CNTN5: variants seen among roughly 807,000 people sequenced by gnomAD.
The protein encoded by CNTN5 is contactin-5.
CNTN5 carries 77 observed loss-of-function variants against 129.1 expected under a neutral mutation model. The observed-to-expected ratio is 0.60, with a 90% CI of 0.50 to 0.72. The LOEUF is 0.72. CNTN5 is among the 30% of genes least tolerant of loss of function. The pLI, the probability that CNTN5 is intolerant of heterozygous loss-of-function variation, is 0.00. For missense variants in CNTN5, 1,478 were observed against 1,328.8 expected, an observed-to-expected ratio of 1.11 and a Z score of -1.75; for synonymous variants, 509 against 465.6, an observed-to-expected ratio of 1.09 and a Z score of -1.20.
At chr11:99,295,882 C>CA (rs34180493) in intron 1 of CNTN5, among the ~76,000 whole-genome samples, 8,747 of 49,410 alleles carry the variant, frequency 0.18, 760 homozygotes, top group Non-Finnish European at 0.21. Context: ...GACTCCGTCT[C>CA]AAAAAAAAAA....
At chr11:99,615,368 G>A (rs528441475) in intron 3 of CNTN5, among the ~76,000 whole-genome samples, 33 of 152,102 alleles carry the variant, frequency 2.2e-4, no homozygotes, top group African/African-American at 7.5e-4. Flanking sequence ...CACAAGATTA[G>A]AATTTAACTT....
At chr11:99,856,686 T>C (rs908345280) in intron 6 of CNTN5, among the ~76,000 whole-genome samples, 1 of 152,060 alleles carries the variant, frequency 6.6e-6, no homozygotes, top group African/African-American at 2.4e-5. Context: ...CAATGAAAAA[T>C]ATTAGCTCTT....
chr11:99,528,488 A>T (rs1947573779), intron 2 of CNTN5, among the ~76,000 whole-genome samples: 1 of 152,218 alleles, frequency 6.6e-6, no homozygotes, highest in South Asian at 2.1e-4. Flanking sequence ...ACAACCTGAG[A>T]TTTTTGACAA....
intron 2 of CNTN5, among the ~76,000 whole-genome samples, chr11:99,397,185 T>TTGA (rs1941569563): frequency 6.6e-6 from 1 of 151,788 alleles, no homozygotes; most frequent in Admixed American, 6.6e-5. Context: ...TATCTCTGAG[T>TTGA]TGATATTTGT....
intron 3 of CNTN5, among the ~76,000 whole-genome samples, chr11:99,782,372 G>T (rs1454213925): frequency 6.7e-6 from 1 of 149,626 alleles, no homozygotes; most frequent in Non-Finnish European, 1.5e-5. Context: ...TGGGTAGGAA[G>T]AATCAATATC....
chr11:99,247,043 A>G (rs546408903), intron 1 of CNTN5, among the ~76,000 whole-genome samples: 44 of 152,304 alleles, frequency 2.9e-4, no homozygotes, highest in Admixed American at 5.2e-4. Context: ...CAGAAAGTCA[A>G]AATGACATAA....
intron 13 of CNTN5, among the ~76,000 whole-genome samples, chr11:100,090,537 T>TC (rs1944736911): frequency 2.6e-5 from 1 of 37,800 alleles, no homozygotes; most frequent in South Asian, 1.4e-3. Flanking sequence ...CTTCCTTCCT[T>TC]CCTTCCTTCC....
At chr11:99,538,202 T>A (rs1591242744) in intron 2 of CNTN5, among the ~76,000 whole-genome samples, 1 of 152,292 alleles carries the variant, frequency 6.6e-6, no homozygotes, top group East Asian at 1.9e-4. Flanking sequence ...CTCTTCCCTT[T>A]GGGATCATGC....
At chr11:100,290,269 A>G (rs576970265) in intron 18 of CNTN5, among the ~76,000 whole-genome samples, 11 of 152,272 alleles carry the variant, frequency 7.2e-5, no homozygotes, top group Admixed American at 5.9e-4. Flanking sequence ...TCAAGTTCAT[A>G]TGGAACCAAA....
chr11:99,812,009 T>C (rs1206051394), intron 3 of CNTN5, among the ~76,000 whole-genome samples: 1 of 152,080 alleles, frequency 6.6e-6, no homozygotes, highest in African/African-American at 2.4e-5. Context: ...ATCCGTCCTG[T>C]ATGATGGGAG....
chr11:99,787,590 T>C (rs1945579930), intron 3 of CNTN5, among the ~76,000 whole-genome samples: 1 of 151,326 alleles, frequency 6.6e-6, no homozygotes, highest in African/African-American at 2.4e-5. Context: ...AATCAATAAG[T>C]TGTCATTGCC....
At chr11:99,720,446 A>T (rs1237181525) in intron 3 of CNTN5, among the ~76,000 whole-genome samples, 4 of 152,154 alleles carry the variant, frequency 2.6e-5, no homozygotes, top group African/African-American at 9.7e-5. Context: ...AATGCTTTTG[A>T]TAAAATTCAT....
intron 3 of CNTN5, among the ~76,000 whole-genome samples, chr11:99,751,540 C>T (rs1349129374): frequency 6.6e-6 from 1 of 152,088 alleles, no homozygotes; most frequent in Non-Finnish European, 1.5e-5. Context: ...AATTTACCCA[C>T]CTCTCTCTAT....
At chr11:100,284,114 T>G (rs971320364) in intron 18 of CNTN5, among the ~76,000 whole-genome samples, 1 of 152,208 alleles carries the variant, frequency 6.6e-6, no homozygotes, top group Non-Finnish European at 1.5e-5. Context: ...CTCTTCTGTG[T>G]TGTGGGGCCA....
chr11:99,302,879 A>G (rs545102764), intron 1 of CNTN5, among the ~76,000 whole-genome samples: 1 of 151,654 alleles, frequency 6.6e-6, no homozygotes, highest in East Asian at 1.9e-4. Flanking sequence ...ATGGAATGGA[A>G]CACTAGACTT....
chr11:99,741,718 T>C (rs1473021263), intron 3 of CNTN5, among the ~76,000 whole-genome samples: 1 of 152,172 alleles, frequency 6.6e-6, no homozygotes, highest in Non-Finnish European at 1.5e-5. Context: ...TCAAAATCTT[T>C]CTACTAATTG....
At chr11:99,447,434 T>A (rs1296472061) in intron 2 of CNTN5, among the ~76,000 whole-genome samples, 1 of 152,214 alleles carries the variant, frequency 6.6e-6, no homozygotes, top group African/African-American at 2.4e-5. Context: ...TTTATCACAA[T>A]TCTGAAAATA....
intron 1 of CNTN5, among the ~76,000 whole-genome samples, chr11:99,071,523 G>T (rs1458878515): frequency 6.6e-6 from 1 of 152,076 alleles, no homozygotes; most frequent in African/African-American, 2.4e-5. Context: ...ATTTTAAAAA[G>T]ACTTTGCAAA....
At chr11:99,461,421 A>T (rs1944693102) in intron 2 of CNTN5, among the ~76,000 whole-genome samples, 1 of 152,120 alleles carries the variant, frequency 6.6e-6, no homozygotes, top group African/African-American at 2.4e-5. Flanking sequence ...ATATTTTCAA[A>T]TGCCCCAAGA....
Sources: gnomAD v4.1 joint callset for allele counts (sites outside exome capture counted in the v4.1 genomes callset) on GRCh38, gnomAD v4.1.1 for gene constraint, MANE v1.5 for transcripts, NCBI Gene and HGNC (gene_info 2026-07-23, HGNC 2026-07-21) for gene names.